STARD9: variants seen among roughly 807,000 people sequenced by gnomAD.
The protein encoded by STARD9 is stAR-related lipid transfer protein 9.
STARD9 carries 346 observed loss-of-function variants against 399.8 expected under a neutral mutation model. The observed-to-expected ratio is 0.87, with a 90% CI of 0.79 to 0.95. The LOEUF (loss-of-function observed/expected upper bound fraction) is 0.95, where lower values mean the gene tolerates loss of function less well. Among genes scored for constraint, STARD9 ranks in the 40% least tolerant of loss-of-function variants. The pLI is 0.00. For synonymous variants in STARD9, 2,203 were observed against 2,143.5 expected (o/e 1.03, Z -0.77); for missense variants, 5,832 against 5,667.5 (o/e 1.03, Z -0.93).
In STARD9 at chr15:42,575,743, G is replaced by T. The variant is rs2058038870; in HGVS notation, c.28G>T (p.Val10Phe). MANVQVAVR[V>F]RPLSKRETKE... The stretch of plus-strand genomic sequence containing the variant: ...GGCGAACGTGCAGGTCGCCGTGCGG[G>T]TCCGGCCGCTCAGCAAGAGGTGAGT... Residue 10 changes from valine to phenylalanine, a missense_variant, in exon 1 of 33, where the codon GTC (valine) becomes TTC (phenylalanine). Physicochemically the swap from Val to Phe is conservative, Grantham distance 50 (BLOSUM62 -1). Coordinates refer to ENST00000290607, the MANE Select transcript of STARD9 (RefSeq NM_020759.3). 15 of 1,536,808 alleles carry T rather than the reference G, an allele frequency of 9.8e-6. No homozygotes were observed. The highest frequency in any genetic ancestry group is 1.3e-5 in the Non-Finnish European group (15 of 1,146,816).
chr15:42,614,751 C>T (rs1217680426), intron 3 of STARD9, among the ~76,000 whole-genome samples: 1 of 152,034 alleles, frequency 6.6e-6, no homozygotes, highest in Non-Finnish European at 1.5e-5. Flanking sequence ...CAGATCATGC[C>T]GTCAGGACTT....
chr15:42,686,735 T>C lies in STARD9; in HGVS notation c.5157T>C (p.Leu1719=). The C allele has an allele frequency of 1.3e-6, 2 of 1,537,548 alleles. No homozygotes were observed. Among genetic ancestry groups the C allele is most frequent in the South Asian group, 1.2e-5 (1 of 84,030 alleles). ...VRRHINVSFA[L]PSGPELYLHS... ...GACACATAAATGTTTCCTTTGCCCT[T>C]CCTTCAGGTCCAGAGCTATACCTTC... Residue 1719 remains leucine, a synonymous_variant, in exon 23 of 33, where the codon CTT becomes CTC. Coordinates refer to ENST00000290607, the MANE Select transcript of STARD9 (RefSeq NM_020759.3).
Position 42,675,095 on chromosome 15 carries a change from A to T in STARD9, c.1687+131A>T, listed in dbSNP as rs1030397292. 5 of 972,080 alleles carry T rather than the reference A, an allele frequency of 5.1e-6. No individual in the cohort carries two copies. The African/African-American group carries it at 6.8e-5, about 13-fold the overall frequency. The allele number at this position is 972,080 out of a possible 1,614,324, so 60.2% of individuals were successfully genotyped here. ...AGCCTCTGCACCCTGAAGTCTGAAGATTTTCTAATATGATCCTATTCCCAT... is the reference window on the plus strand; with the variant it reads ...AGCCTCTGCACCCTGAAGTCTGAAGTTTTTCTAATATGATCCTATTCCCAT... On this transcript the variant is annotated intron_variant, in intron 18 of 32. Coordinates refer to ENST00000290607, the MANE Select transcript of STARD9 (RefSeq NM_020759.3).
chr15:42,663,032 C>T, intron 11 of STARD9, 141 bp downstream of exon 11: 2 of 751,324 alleles, frequency 2.7e-6, no homozygotes, highest in Non-Finnish European at 4.3e-6. Context: ...TGATATTTGT[C>T]CTTGGTTTTA....
intron 32 of STARD9, among the ~76,000 whole-genome samples, 187 bp downstream of exon 32, chr15:42,719,097 T>C (rs1381753775): frequency 2.0e-5 from 3 of 152,190 alleles, no homozygotes; most frequent in African/African-American, 7.2e-5. Context: ...GAGAAGGGAA[T>C]GCGACAGGAG....
In STARD9 at chr15:42,665,299, G is replaced by C; in HGVS notation, c.1223G>C (p.Arg408Thr). 6.5e-7 allele frequency: 1 copy of C among 1,537,156 alleles called. No homozygotes were observed. Among genetic ancestry groups the C allele is most frequent in the Non-Finnish European group, 8.7e-7 (1 of 1,146,830 alleles). ...AGAGAACTCAGAGAAGAGATTGAAA[G>C]ACTGAAAGCCCTGCTGCTGAGCTTT... The part of the protein sequence containing the change: ...LIRELREEIE[R>T]LKALLLSFEL... Residue 408 changes from arginine to threonine, a missense_variant, in exon 14 of 33, where the codon AGA becomes ACA. Arg to Thr is a moderately conservative substitution (Grantham distance 71). Transcript: ENST00000290607.
rs139919565 is a variant in STARD9, at chr15:42,702,331, G to A, written c.13284+6451G>A. Among the ~76,000 whole-genome samples the A allele has an allele frequency of 8.1e-3, 1,225 of 152,118 alleles. 16 individuals are homozygous for A. The highest frequency in any genetic ancestry group is 0.028 in the African/African-American group (1,165 of 41,482). ...TGATTCTCCTGCCTCAGCCTCCTGA[G>A]CAGCTGGGATTACAGGCGCGCACCA... On this transcript the variant is annotated intron_variant, in intron 26 of 32. Coordinates refer to ENST00000290607, the MANE Select transcript of STARD9 (RefSeq NM_020759.3).
rs183829153 is a variant in STARD9 at position 42,686,904 on chromosome 15, C to A, written c.5326C>A (p.Pro1776Thr). 5.9e-6 allele frequency: 9 copies of A among 1,536,854 alleles called. No individual in the cohort carries two copies. In the East Asian group the frequency reaches 1.7e-4, roughly 29 times the overall value. The change falls in exon 23 of 33, where the codon CCC becomes ACC. Residue 1776 changes from proline to threonine, a missense_variant. Physicochemically the swap from Pro to Thr is conservative, Grantham distance 38. Transcript: ENST00000290607. ...CREVRVPSPP[P>T]REAWGFGHNH... ...AGAAGTAAGGGTACCCTCCCCACCC[C>A]CCAGGGAAGCCTGGGGCTTTGGTCA...
chr15:42,605,615 G>A (rs1487430637), intron 3 of STARD9, among the ~76,000 whole-genome samples: 1 of 152,080 alleles, frequency 6.6e-6, no homozygotes, highest in African/African-American at 2.4e-5. Flanking sequence ...TAGAAGTGGG[G>A]GATAATCCCT....
chr15:42,597,152 G>A (rs2058523827), intron 3 of STARD9, among the ~76,000 whole-genome samples: 1 of 152,122 alleles, frequency 6.6e-6, no homozygotes, highest in African/African-American at 2.4e-5. Flanking sequence ...CTGGAGTGTA[G>A]TGTCGTGATC....
Position 42,684,446 on chromosome 15 carries a change from T to C in STARD9, c.2868T>C (p.Ala956=). 6.5e-7 allele frequency: 1 copy of C among 1,537,166 alleles called. No homozygotes were observed. The highest frequency in any genetic ancestry group is 8.7e-7 in the Non-Finnish European group (1 of 1,146,898). ...SQGLASLRKS[A]NKLKPRHEPK... ...GCTTAGCATCTCTGAGGAAATCAGC[T>C]AACAAACTAAAGCCAAGGCATGAGC... is the stretch of plus-strand genomic sequence containing the variant. The change falls in exon 23 of 33, where the codon GCT becomes GCC. Residue 956 remains alanine (A), a synonymous_variant. Transcript: ENST00000290607.
chr15:42,667,463 G>A (rs1380085851), intron 15 of STARD9, among the ~76,000 whole-genome samples: 5 of 151,572 alleles, frequency 3.3e-5, no homozygotes, highest in African/African-American at 9.7e-5. Context: ...GATTACAGGC[G>A]TGAGCCACCG....
intron 10 of STARD9, 88 bp downstream of exon 10, chr15:42,661,313 A>G (rs900707424): frequency 1.1e-6 from 1 of 915,516 alleles, no homozygotes; most frequent in Non-Finnish European, 1.7e-6. Context: ...TTCACATTTC[A>G]GTCATCCTGA....
rs61683241 is a variant in STARD9, at chr15:42,715,520, AT to A, written c.13285-1141del. 4.6e-3 allele frequency among the ~76,000 whole-genome samples: 656 copies of A among 143,620 alleles called. 4 individuals are homozygous for A. The highest frequency in any genetic ancestry group is 7.8e-3 in the African/African-American group (301 of 38,820). 94.2% of individuals were successfully genotyped at this position (143,620 alleles called of 152,430 possible). A position where few individuals can be genotyped will look rare whatever the true frequency, so the allele number is the denominator to read the frequency against. Reference sequence around the variant, plus strand: ...ACAGGGTGAGATCCTGTCTTTACAAATTTTTTTTTTTTTTTTGAGATGGAGT... The same window carrying A: ...ACAGGGTGAGATCCTGTCTTTACAAATTTTTTTTTTTTTTTGAGATGGAGT... On this transcript the variant is annotated intron_variant, in intron 26 of 32. Transcript: ENST00000290607.
At chr15:42,587,813 C>T (rs997749886) in intron 3 of STARD9, among the ~76,000 whole-genome samples, 7 of 152,166 alleles carry the variant, frequency 4.6e-5, no homozygotes, top group Admixed American at 4.6e-4. Flanking sequence ...GATCCGCTCA[C>T]CTCAGCCTCC....
chr15:42,691,563 G>A lies in STARD9; in HGVS notation c.9985G>A (p.Val3329Ile). 1 of 1,537,246 alleles carries A rather than the reference G, an allele frequency of 6.5e-7. No individual in the cohort carries two copies. The highest frequency in any genetic ancestry group is 1.2e-5 in the South Asian group (1 of 84,062). ...RSSPTPQFSV[V>I]GSSRSLQELN... ...CTCCCCCACACCACAGTTCTCAGTTGTCGGCTCTTCTCGTTCTCTTCAGGA... is the reference window on the plus strand; with the variant it reads ...CTCCCCCACACCACAGTTCTCAGTTATCGGCTCTTCTCGTTCTCTTCAGGA... Residue 3329 changes from valine to isoleucine, a missense_variant, in exon 23 of 33, where the codon GTC (valine) becomes ATC (isoleucine). Val to Ile is a conservative substitution (Grantham distance 29). Coordinates refer to ENST00000290607, the MANE Select transcript of STARD9 (RefSeq NM_020759.3).
At position 42,681,429 on chromosome 15, in the gene STARD9, C is replaced by CTTGA; in HGVS notation, c.1883_1886dup (p.Glu629AspfsTer2). Reference sequence around the variant, plus strand: ...CAGCCGCTTCTGTGACAGGAGAGCGCTTGAAGAGCAATGTGACGAGGACCA... The same window carrying CTTGA: ...CAGCCGCTTCTGTGACAGGAGAGCGCTTGATTGAAGAGCAATGTGACGAGGACCA... On this transcript the variant is annotated frameshift_variant, in exon 21 of 33. Transcript: ENST00000290607. LOFTEE classifies it high-confidence loss of function. The CTTGA allele has an allele frequency of 6.5e-7, 1 of 1,535,678 alleles. No individual in the cohort carries two copies. The highest frequency in any genetic ancestry group is 8.7e-7 in the Non-Finnish European group (1 of 1,146,378).
chr15:42,718,129 C>T lies in STARD9; in HGVS notation c.13712C>T (p.Pro4571Leu). 1 of 1,537,222 alleles carries T rather than the reference C, an allele frequency of 6.5e-7. No individual in the cohort carries two copies. Residue 4571 changes from proline to leucine, a missense_variant, in exon 30 of 33, where the codon CCC becomes CTC. Around this residue, in one of 2 missense-constraint regions of STARD9, gnomAD observed 5,828 missense variants for 5,651.1 expected, o/e 1.03. Coordinates refer to ENST00000290607, the MANE Select transcript of STARD9 (RefSeq NM_020759.3). ...ACTGTGTGGCCCCTGTATTACAAGCCCATCCAGACAGCAAGGCTGCATCAG... is the reference window on the plus strand; with the variant it reads ...ACTGTGTGGCCCCTGTATTACAAGCTCATCCAGACAGCAAGGCTGCATCAG... The part of the protein sequence containing the change: ...DPTVWPLYYK[P>L]IQTARLHQRV...
intron 7 of STARD9, among the ~76,000 whole-genome samples, chr15:42,642,035 T>A (rs183125787): frequency 0.01 from 1,537 of 152,182 alleles, 27 homozygotes; most frequent in African/African-American, 0.035. Context: ...TAAACTTTTT[T>A]AAAAAAATGT....
Sources: gnomAD v4.1 joint callset for allele counts (sites outside exome capture counted in the v4.1 genomes callset) on GRCh38, gnomAD v4.1.1 for gene constraint, gnomAD v4.1.1 regional missense constraint, MANE v1.5 for transcripts, NCBI Gene and HGNC (gene_info 2026-07-23, HGNC 2026-07-21) for gene names.